The following CMYA5 variants were observed in gnomAD, a reference collection of about 807,000 sequenced individuals.
The protein encoded by CMYA5 is cardiomyopathy-associated protein 5.
CMYA5 carries 246 observed loss-of-function variants against 318.9 expected under a neutral mutation model. The ratio of observed to expected loss-of-function variants is 0.77; its 90% CI spans 0.70 to 0.86. CMYA5 has a LOEUF of 0.86. Ranked by LOEUF, CMYA5 falls within the 40% of genes least tolerant of loss-of-function variation. The pLI, the probability that CMYA5 is intolerant of heterozygous loss-of-function variation, is 0.00. For synonymous variants in CMYA5, 1,641 were observed against 1,729.5 expected, an observed-to-expected ratio of 0.95 and a Z score of 1.27; for missense variants, 4,589 against 4,678.2, an observed-to-expected ratio of 0.98 and a Z score of 0.56.
intron 9 of CMYA5, among the ~76,000 whole-genome samples, chr5:79,784,880 G>C (rs551244865): frequency 2.6e-5 from 4 of 151,880 alleles, no homozygotes; most frequent in Non-Finnish European, 5.9e-5. Context: ...CCCGTCTTCT[G>C]CGTCGCTCAC....
chr5:79,799,848 AAGT>A lies in CMYA5; in HGVS notation c.*233_*235del. 3.0e-6 allele frequency: 1 copy of A among 330,866 alleles called. No homozygotes were observed. 20.5% of individuals were successfully genotyped at this position (330,866 alleles called of 1,614,324 possible). On this transcript the variant is annotated 3_prime_UTR_variant, in exon 13 of 13. Coordinates refer to ENST00000446378, the MANE Select transcript of CMYA5 (RefSeq NM_153610.5). The stretch of plus-strand genomic sequence containing the variant: ...ACAACCTCCACTCTTTAGTTTATAT[AAGT>A]TTGAGTTCTTTCCTAAATTAAAAGA...
chr5:79,789,168 G>C, intron 10 of CMYA5, 64 bp downstream of exon 10: 1 of 1,587,930 alleles, frequency 6.3e-7, no homozygotes, highest in Admixed American at 1.7e-5. Flanking sequence ...ACCCCTCAGA[G>C]AAGATGTCCT....
chr5:79,745,438 G>T lies in CMYA5; in HGVS notation c.10951G>T (p.Glu3651Ter), dbSNP rs757659328. ...TIVREAEELD[E>*]AVFLTSFEEI... Reference sequence around the variant, plus strand: ...CGTGAGAGAAGCAGAGGAGCTTGATGAGGCCGTCTTCCTGACTGTAAGTGC... The same window carrying T: ...CGTGAGAGAAGCAGAGGAGCTTGATTAGGCCGTCTTCCTGACTGTAAGTGC... The change falls in exon 4 of 13, where the codon GAG becomes TAG. Residue 3651 changes from glutamate (E) to a stop codon, truncating the protein, a stop_gained. Transcript: ENST00000446378. LOFTEE classifies it high-confidence loss of function. 20 of 1,613,678 alleles carry T rather than the reference G, an allele frequency of 1.2e-5. No individual in the cohort carries two copies. In the South Asian group the frequency reaches 1.8e-4, roughly 14 times the overall value.
intron 6 of CMYA5, among the ~76,000 whole-genome samples, chr5:79,753,351 A>T (rs966931912): frequency 6.6e-6 from 1 of 152,186 alleles, no homozygotes; most frequent in East Asian, 1.9e-4. Context: ...TTAATGTGCT[A>T]TTTTAACAAA....
At position 79,737,884 on chromosome 5, in the gene CMYA5, C is replaced by A; in HGVS notation, c.9119C>A (p.Ser3040Ter). Reference protein sequence around the residue: ...EISTDSETDLSFIQPTIPSEE... With the variant: ...EISTDSETDL ...TCCACAGATTCAGAAACTGATTTATCATTTATTCAGCCCACAATTCCCAGT... is the reference window on the plus strand; with the variant it reads ...TCCACAGATTCAGAAACTGATTTATAATTTATTCAGCCCACAATTCCCAGT... The change falls in exon 2 of 13, where the codon TCA (serine) becomes TAA (stop). Residue 3040 changes from serine (S) to a stop codon, truncating the protein, a stop_gained. Transcript: ENST00000446378. LOFTEE classifies it high-confidence loss of function. The A allele has an allele frequency of 6.2e-7, 1 of 1,601,068 alleles. No homozygotes were observed. The highest frequency in any genetic ancestry group is 8.5e-7 in the Non-Finnish European group (1 of 1,176,720).
At chr5:79,791,284 T>C (rs1488585308) in intron 11 of CMYA5, among the ~76,000 whole-genome samples, 1 of 152,200 alleles carries the variant, frequency 6.6e-6, no homozygotes, top group African/African-American at 2.4e-5. Flanking sequence ...ATATTTTTAT[T>C]GGAAATATAA....
intron 11 of CMYA5, 56 bp from the exon 12 acceptor site, chr5:79,793,381 G>C: frequency 1.3e-6 from 2 of 1,516,478 alleles, no homozygotes; most frequent in South Asian, 1.2e-5. Context: ...TTATGCTTAT[G>C]AGATACAGGC....
At chr5:79,763,328 C>G (rs1828693543) in intron 9 of CMYA5, 119 bp downstream of exon 9, 1 of 884,582 alleles carries the variant, frequency 1.1e-6, no homozygotes, top group African/African-American at 1.7e-5. Flanking sequence ...TCCTGCTGAG[C>G]TAATGAAGCC....
intron 1 of CMYA5, among the ~76,000 whole-genome samples, chr5:79,718,544 G>A (rs537293541): frequency 6.6e-6 from 1 of 152,184 alleles, no homozygotes; most frequent in South Asian, 2.1e-4. Context: ...TCCCGTTAGT[G>A]CACTGTGATT....
Position 79,729,346 on chromosome 5 carries a change from A to C in CMYA5, c.581A>C (p.Lys194Thr), listed in dbSNP as rs1367343897. ...ACTGGCATTTATGATAAAGCAAGAA[A>C]AAAGAAGACCACTTCAAATACACCT... ...SYTGIYDKAR[K>T]KKTTSNTPPI... Residue 194 changes from lysine (K) to threonine (T), a missense_variant, in exon 2 of 13, where the codon AAA becomes ACA. By Grantham distance (78) the Lys-to-Thr change is moderately conservative. Coordinates refer to ENST00000446378, the MANE Select transcript of CMYA5 (RefSeq NM_153610.5). 6.2e-7 allele frequency: 1 copy of C among 1,612,824 alleles called. No homozygotes were observed. Among genetic ancestry groups the C allele is most frequent in the Non-Finnish European group, 8.5e-7 (1 of 1,179,700 alleles).
intron 12 of CMYA5, among the ~76,000 whole-genome samples, chr5:79,797,977 T>C (rs1829303092): frequency 6.6e-6 from 1 of 152,212 alleles, no homozygotes; most frequent in Non-Finnish European, 1.5e-5. Context: ...CAGCTCACAC[T>C]GCCAGTCCCC....
chr5:79,726,671 T>C (rs1827753520), intron 1 of CMYA5, among the ~76,000 whole-genome samples: 1 of 152,156 alleles, frequency 6.6e-6, no homozygotes, highest in African/African-American at 2.4e-5. Flanking sequence ...GGGGCCTGGC[T>C]GCCCCAGGCT....
rs548420335 is a variant in CMYA5 at position 79,739,165 on chromosome 5, C to T, written c.10400C>T (p.Ala3467Val). The T allele has an allele frequency of 4.7e-5, 76 of 1,613,280 alleles. 1 individual carries two copies. The highest frequency in any genetic ancestry group is 3.5e-4 in the South Asian group (32 of 90,944). Reference sequence around the variant, plus strand: ...GAGCACATCAGTGAAAATGAATTTGCGAGTGAGGCAGAACAAAGTACACCT... The same window carrying T: ...GAGCACATCAGTGAAAATGAATTTGTGAGTGAGGCAGAACAAAGTACACCT... ...SFEHISENEF[A>V]SEAEQSTPAE... The change falls in exon 2 of 13, where the codon GCG (alanine) becomes GTG (valine). Residue 3467 changes from alanine (A) to valine (V), a missense_variant. By Grantham distance (64) the Ala-to-Val change is moderately conservative. Around this residue, in one of 3 missense-constraint regions of CMYA5, gnomAD observed 2,431 missense variants for 2,495.1 expected, o/e 0.97. Transcript: ENST00000446378.
chr5:79,769,584 T>A (rs1580798011), intron 9 of CMYA5, among the ~76,000 whole-genome samples: 1 of 152,286 alleles, frequency 6.6e-6, no homozygotes, highest in East Asian at 1.9e-4. Context: ...TGCAGTTTGC[T>A]GGAGGTCCAC....
At chr5:79,792,483 C>A (rs1829198149) in intron 11 of CMYA5, among the ~76,000 whole-genome samples, 1 of 152,052 alleles carries the variant, frequency 6.6e-6, no homozygotes. Flanking sequence ...TTATTATTAA[C>A]CTGAAAATCA....
rs577267534 is a variant in CMYA5 at position 79,735,216 on chromosome 5, G to T, written c.6451G>T (p.Val2151Leu). ...GCCTCAATCCCCAGAGTCACCTGAGGTGACACAAAATCCACCTACACAACC... is the reference window on the plus strand; with the variant it reads ...GCCTCAATCCCCAGAGTCACCTGAGTTGACACAAAATCCACCTACACAACC... ...REPQSPESPE[V>L]TQNPPTQPKV... Residue 2151 changes from valine (V) to leucine (L), a missense_variant, in exon 2 of 13, where the codon GTG (valine) becomes TTG (leucine). Physicochemically the swap from Val to Leu is conservative, Grantham distance 32. Around this residue, in one of 3 missense-constraint regions of CMYA5, gnomAD observed 2,431 missense variants for 2,495.1 expected, o/e 0.97. Coordinates refer to ENST00000446378, the MANE Select transcript of CMYA5 (RefSeq NM_153610.5). The T allele has an allele frequency of 6.2e-7, 1 of 1,613,842 alleles. No individual in the cohort carries two copies. Among genetic ancestry groups the T allele is most frequent in the South Asian group, 1.1e-5 (1 of 91,070 alleles).
chr5:79,752,234 G>A (rs989573148), intron 5 of CMYA5, among the ~76,000 whole-genome samples: 2 of 152,110 alleles, frequency 1.3e-5, no homozygotes, highest in African/African-American at 2.4e-5. Flanking sequence ...GCTTAATATC[G>A]AGGTTTGAGA....
intron 9 of CMYA5, among the ~76,000 whole-genome samples, chr5:79,787,644 A>G (rs402955): frequency 0.046 from 6,989 of 152,264 alleles, 319 homozygotes; most frequent in East Asian, 0.27. Context: ...ATATGATTCA[A>G]GGAGTTTGCA....
At chr5:79,719,063 A>G (rs578180202) in intron 1 of CMYA5, among the ~76,000 whole-genome samples, 1 of 126,132 alleles carries the variant, frequency 7.9e-6, no homozygotes, top group African/African-American at 3.3e-5. Context: ...CCTTCAGATA[A>G]AAATAGAGAA....
Sources: allele counts gnomAD v4.1 joint callset (sites outside exome capture counted in the v4.1 genomes callset), GRCh38; gene constraint gnomAD v4.1.1; regional missense constraint gnomAD v4.1.1; transcripts MANE v1.5; gene names NCBI Gene and HGNC (gene_info 2026-07-23, HGNC 2026-07-21).